FSTL5: variants seen among roughly 807,000 people sequenced by gnomAD.
FSTL5 encodes follistatin like 5, also known as follistatin-related protein 5.
A neutral mutation model predicts 89.1 loss-of-function variants in FSTL5; 62 were observed. The ratio of observed to expected loss-of-function variants is 0.70; its 90% CI spans 0.57 to 0.86. FSTL5 has a LOEUF of 0.86. FSTL5 is among the 40% of genes least tolerant of loss of function. FSTL5 has a pLI of 0.00. For synonymous variants in FSTL5, 383 were observed against 346.2 expected (o/e 1.11, Z -1.18); for missense variants, 1,057 against 1,001.6 (o/e 1.06, Z -0.75).
At chr4:161,419,514 C>A (rs572893238) in intron 15 of FSTL5, among the ~76,000 whole-genome samples, 1 of 152,326 alleles carries the variant, frequency 6.6e-6, no homozygotes, top group Admixed American at 6.5e-5. Context: ...TAAGGAATGT[C>A]TGTCCTGAGG....
intron 13 of FSTL5, among the ~76,000 whole-genome samples, chr4:161,479,935 G>A (rs1482586842): frequency 6.6e-6 from 1 of 152,092 alleles, no homozygotes; most frequent in Non-Finnish European, 1.5e-5. Context: ...ATGCTACATG[G>A]GTGAGTGAAT....
chr4:161,470,823 CG>C (rs1733910348), intron 13 of FSTL5, among the ~76,000 whole-genome samples: 2 of 152,086 alleles, frequency 1.3e-5, no homozygotes, highest in Non-Finnish European at 2.9e-5. Context: ...TTAATCTCTA[CG>C]TATTTTACTC....
intron 4 of FSTL5, among the ~76,000 whole-genome samples, chr4:161,805,833 T>C (rs1729947783): frequency 6.6e-6 from 1 of 152,124 alleles, no homozygotes; most frequent in Non-Finnish European, 1.5e-5. Flanking sequence ...CTCTTACCTA[T>C]GATTTCACTT....
chr4:161,646,345 T>C (rs1038025278), intron 7 of FSTL5, among the ~76,000 whole-genome samples: 9 of 150,822 alleles, frequency 6.0e-5, no homozygotes, highest in African/African-American at 2.2e-4. Flanking sequence ...ATTTTCTCAC[T>C]GCTTTAAATA....
At chr4:162,148,994 G>C (rs1483885856) in intron 1 of FSTL5, among the ~76,000 whole-genome samples, 1 of 152,162 alleles carries the variant, frequency 6.6e-6, no homozygotes, top group Non-Finnish European at 1.5e-5. Flanking sequence ...AAACTTGTTT[G>C]AGGAAAAATA....
chr4:161,559,193 C>T (rs899215117), intron 8 of FSTL5, among the ~76,000 whole-genome samples: 1 of 151,842 alleles, frequency 6.6e-6, no homozygotes, highest in African/African-American at 2.4e-5. Flanking sequence ...TGGTGAATCT[C>T]TTCGTAAAAG....
intron 3 of FSTL5, among the ~76,000 whole-genome samples, chr4:162,030,525 T>G (rs1737480039): frequency 6.6e-6 from 1 of 152,030 alleles, no homozygotes; most frequent in African/African-American, 2.4e-5. Flanking sequence ...GGCAAGAGTG[T>G]CCACTTGAAA....
chr4:161,966,321 A>G (rs565788032), intron 3 of FSTL5, among the ~76,000 whole-genome samples: 2 of 152,232 alleles, frequency 1.3e-5, no homozygotes, highest in Non-Finnish European at 2.9e-5. Flanking sequence ...ATTCTTACTT[A>G]GTACAGCTAA....
intron 8 of FSTL5, among the ~76,000 whole-genome samples, chr4:161,570,659 T>C (rs900950287): frequency 2.0e-5 from 3 of 152,174 alleles, no homozygotes; most frequent in African/African-American, 7.2e-5. Context: ...GAGATCTTTA[T>C]CAAGTGTTTA....
At chr4:161,449,228 C>T (rs940157586) in intron 15 of FSTL5, among the ~76,000 whole-genome samples, 1 of 152,130 alleles carries the variant, frequency 6.6e-6, no homozygotes, top group African/African-American at 2.4e-5. Flanking sequence ...CACACACCCT[C>T]CCAAGTACAA....
At chr4:161,662,443 C>T (rs1367150637) in intron 6 of FSTL5, among the ~76,000 whole-genome samples, 1 of 152,006 alleles carries the variant, frequency 6.6e-6, no homozygotes, top group Non-Finnish European at 1.5e-5. Flanking sequence ...GAACTATAAA[C>T]ATTACAAGTT....
chr4:161,506,429 T>C (rs915906265), intron 11 of FSTL5, among the ~76,000 whole-genome samples: 13 of 152,124 alleles, frequency 8.5e-5, no homozygotes, highest in Non-Finnish European at 1.6e-4. Flanking sequence ...TTTTTTAATT[T>C]TTGTTTATTT....
At position 161,631,510 on chromosome 4, in the gene FSTL5, A is replaced by T. The variant is rs565935554; in HGVS notation, c.894+24818T>A. Reference sequence around the variant, plus strand: ...CAGGTGCCTGTAATTCCAGCTACTCAGGAGGGTGAGGCAAGAGAGTCACTT... The same window carrying T: ...CAGGTGCCTGTAATTCCAGCTACTCTGGAGGGTGAGGCAAGAGAGTCACTT... On this transcript the variant is annotated intron_variant, in intron 7 of 15. Transcript: ENST00000306100. Among the ~76,000 whole-genome samples, 3 of 152,232 alleles carry T rather than the reference A, an allele frequency of 2.0e-5. No individual in the cohort carries two copies. In the East Asian group the frequency reaches 5.8e-4, roughly 30 times the overall value.
chr4:161,962,021 G>A (rs1429652823), intron 3 of FSTL5, among the ~76,000 whole-genome samples: 1 of 151,488 alleles, frequency 6.6e-6, no homozygotes, highest in East Asian at 1.9e-4. Context: ...TATTATTATA[G>A]CTATATTAAT....
intron 7 of FSTL5, among the ~76,000 whole-genome samples, chr4:161,622,754 T>C (rs1291147057): frequency 1.3e-5 from 2 of 152,050 alleles, no homozygotes; most frequent in East Asian, 3.8e-4. Flanking sequence ...AACAGAAAGC[T>C]GGCAAAAAAG....
At position 161,499,255 on chromosome 4, in the gene FSTL5, G is replaced by A. The variant is rs79896285; in HGVS notation, c.1458+761C>T. 6.5e-3 allele frequency among the ~76,000 whole-genome samples: 991 copies of A among 152,178 alleles called. 9 individuals carry two copies. The highest frequency in any genetic ancestry group is 0.022 in the African/African-American group (900 of 41,542). On this transcript the variant is annotated intron_variant, in intron 12 of 15. Coordinates refer to ENST00000306100, the MANE Select transcript of FSTL5 (RefSeq NM_020116.5). Reference sequence around the variant, plus strand: ...ATGTGCAATTTAAGATTTTTTACATGTATAATTAAGTTATAACTTAACCAA... The same window carrying A: ...ATGTGCAATTTAAGATTTTTTACATATATAATTAAGTTATAACTTAACCAA...
chr4:162,075,116 T>C (rs770611537), intron 2 of FSTL5, among the ~76,000 whole-genome samples: 1 of 151,766 alleles, frequency 6.6e-6, no homozygotes, highest in African/African-American at 2.4e-5. Context: ...TTTGGCCAAC[T>C]GGACATACTG....
chr4:161,469,840 C>A (rs940355732), intron 13 of FSTL5, among the ~76,000 whole-genome samples: 1 of 151,954 alleles, frequency 6.6e-6, no homozygotes, highest in Non-Finnish European at 1.5e-5. Flanking sequence ...GACGGAGTTT[C>A]ACCGTGTTAG....
In FSTL5 at chr4:161,830,798, G is replaced by T. The variant is rs527388046; in HGVS notation, c.410-54724C>A. Among the ~76,000 whole-genome samples the T allele has an allele frequency of 1.7e-4, 26 of 152,018 alleles. No individual in the cohort carries two copies. In the South Asian group the frequency reaches 5.4e-3, roughly 32 times the overall value. On this transcript the variant is annotated intron_variant, in intron 4 of 15. Transcript: ENST00000306100. ...GCAAAACAAAAAATATAAAAATAGA[G>T]AAGTAAACCAGCATTTCTTCAAATT...
Sources: allele counts gnomAD v4.1 joint callset (sites outside exome capture counted in the v4.1 genomes callset), GRCh38; gene constraint gnomAD v4.1.1; transcripts MANE v1.5; gene names NCBI Gene and HGNC (gene_info 2026-07-23, HGNC 2026-07-21).